Variants in RFTN1 observed in about 807,000 individuals in gnomAD.
The protein encoded by RFTN1 is raftlin.
A neutral mutation model predicts 46.5 loss-of-function variants in RFTN1; 26 were observed. The ratio of observed to expected loss-of-function variants is 0.56; its 90% CI spans 0.41 to 0.78. RFTN1 has a LOEUF of 0.78. Among genes scored for constraint, RFTN1 ranks in the 30% least tolerant of loss-of-function variants. The pLI is 0.00. For missense variants in RFTN1, 693 were observed against 718.7 expected, an observed-to-expected ratio of 0.96 and a Z score of 0.41; for synonymous variants, 261 against 284.2, an observed-to-expected ratio of 0.92 and a Z score of 0.82.
At chr3:16,357,104 G>C (rs1453227369) in intron 7 of RFTN1, among the ~76,000 whole-genome samples, 11 of 127,208 alleles carry the variant, frequency 8.6e-5, no homozygotes, top group Non-Finnish European at 1.5e-4. Context: ...GACAGAGCAA[G>C]ATGCCATCTC....
intron 4 of RFTN1, among the ~76,000 whole-genome samples, chr3:16,378,577 G>A (rs1490272474): frequency 1.3e-5 from 2 of 152,218 alleles, no homozygotes; most frequent in Non-Finnish European, 2.9e-5. Flanking sequence ...GGCATTTTAT[G>A]GCCCAAAGAG....
chr3:16,438,991 C>G (rs751222802), intron 2 of RFTN1, among the ~76,000 whole-genome samples: 10 of 152,088 alleles, frequency 6.6e-5, no homozygotes, highest in Non-Finnish European at 7.4e-5. Flanking sequence ...AACATAATAC[C>G]TTTTAAATTT....
chr3:16,405,572 G>A (rs1403661858), intron 4 of RFTN1, among the ~76,000 whole-genome samples: 1 of 152,072 alleles, frequency 6.6e-6, no homozygotes, highest in African/African-American at 2.4e-5. Context: ...AAATTACGGC[G>A]TCTTCAGCTA....
rs1309747476 is a variant in RFTN1, at chr3:16,451,781, C to G, written c.146-17744G>C. ...TCATAGATGGAAGATTCATTCTTACCTTAGATCTTAGCAACTTCAGCATAT... is the reference window on the plus strand; with the variant it reads ...TCATAGATGGAAGATTCATTCTTACGTTAGATCTTAGCAACTTCAGCATAT... On this transcript the variant is annotated intron_variant, in intron 2 of 9. Coordinates refer to ENST00000334133, the MANE Select transcript of RFTN1 (RefSeq NM_015150.2). This position sits in a 1 kb window ranked among gnomAD's most constrained non-coding sequence, Gnocchi z 4.2. Among the ~76,000 whole-genome samples the G allele has an allele frequency of 6.6e-6, 1 of 152,054 alleles. No individual in the cohort carries two copies. The highest frequency in any genetic ancestry group is 6.6e-5 in the Admixed American group (1 of 15,266).
chr3:16,364,950 T>C (rs1158403044), intron 6 of RFTN1, among the ~76,000 whole-genome samples: 1 of 152,242 alleles, frequency 6.6e-6, no homozygotes, highest in Non-Finnish European at 1.5e-5. Flanking sequence ...GCTGGTGACA[T>C]GGGTGTGCTC....
chr3:16,403,543 G>GAC (rs148679279), intron 4 of RFTN1, among the ~76,000 whole-genome samples: 1 of 58,898 alleles, frequency 1.7e-5, no homozygotes, highest in African/African-American at 8.1e-5. Flanking sequence ...CAGCATATGA[G>GAC]AGACAGAGAC....
chr3:16,461,113 A>G (rs140313523), intron 2 of RFTN1, among the ~76,000 whole-genome samples: 22 of 152,366 alleles, frequency 1.4e-4, no homozygotes, highest in African/African-American at 5.0e-4. Context: ...CAAAACCACA[A>G]CATGGGCCCC....
rs1490272454 is a variant in RFTN1, at chr3:16,475,234, C to T, written c.145+18491G>A. Among the ~76,000 whole-genome samples the T allele has an allele frequency of 6.6e-6, 1 of 152,200 alleles. No individual in the cohort carries two copies. Among genetic ancestry groups the T allele is most frequent in the African/African-American group, 2.4e-5 (1 of 41,456 alleles). On this transcript the variant is annotated intron_variant, in intron 2 of 9. Coordinates refer to ENST00000334133, the MANE Select transcript of RFTN1 (RefSeq NM_015150.2). This position sits in a 1 kb window ranked among gnomAD's most constrained non-coding sequence, Gnocchi z 4.2. ...ATGCTTCTTGTACAGCTGGTGGAAT[C>T]ATAATCCAAATAAACTTTTTTTCTT...
chr3:16,357,255 G>A (rs1012708659), intron 7 of RFTN1, among the ~76,000 whole-genome samples: 5 of 152,060 alleles, frequency 3.3e-5, no homozygotes, highest in African/African-American at 7.2e-5. Context: ...CCATGCTTCC[G>A]CAGTTAGAGA....
At chr3:16,405,925 CGGCCAAT>C (rs755203119) in intron 4 of RFTN1, among the ~76,000 whole-genome samples, 5 of 152,002 alleles carry the variant, frequency 3.3e-5, no homozygotes, top group African/African-American at 4.8e-5. Flanking sequence ...CAAGTTGAGG[CGGCCAAT>C]GACACAGCTT....
rs116560139 is a variant in RFTN1 at position 16,319,244 on chromosome 3, G to A, written c.1333-2012C>T. On this transcript the variant is annotated intron_variant, in intron 9 of 9. Coordinates refer to ENST00000334133, the MANE Select transcript of RFTN1 (RefSeq NM_015150.2). ...GCCTACCTGTGTAGTATAGTACTCCGAGAGGCAGTTGGCTCTCAGGGAAGT... is the reference window on the plus strand; with the variant it reads ...GCCTACCTGTGTAGTATAGTACTCCAAGAGGCAGTTGGCTCTCAGGGAAGT... Among the ~76,000 whole-genome samples the A allele has an allele frequency of 6.5e-3, 996 of 152,238 alleles. 7 individuals are homozygous for A. The highest frequency in any genetic ancestry group is 0.027 in the Middle Eastern group (8 of 294).
chr3:16,333,992 C>T (rs2070600476), intron 7 of RFTN1, among the ~76,000 whole-genome samples: 3 of 152,012 alleles, frequency 2.0e-5, no homozygotes, highest in South Asian at 2.1e-4. Flanking sequence ...GGTGAAACCC[C>T]GTCTCTACTA....
At position 16,402,805 on chromosome 3, in the gene RFTN1, G is replaced by A. The variant is rs1009172935; in HGVS notation, c.441+6570C>T. The stretch of plus-strand genomic sequence containing the variant: ...AGGACAATGTACTCGGTTTAATCCA[G>A]GACAGTACACTCATTGAGTGGGACC... On this transcript the variant is annotated intron_variant, in intron 4 of 9. Transcript: ENST00000334133. This position sits in a 1 kb window ranked among gnomAD's most constrained non-coding sequence, Gnocchi z 4.5. 2.6e-5 allele frequency among the ~76,000 whole-genome samples: 4 copies of A among 152,140 alleles called. No homozygotes were observed. The highest frequency in any genetic ancestry group is 5.9e-5 in the Non-Finnish European group (4 of 68,032).
chr3:16,443,739 G>A lies in RFTN1; in HGVS notation c.146-9702C>T, dbSNP rs2075673440. Among the ~76,000 whole-genome samples, 1 of 142,542 alleles carries A rather than the reference G, an allele frequency of 7.0e-6. No individual in the cohort carries two copies. The highest frequency in any genetic ancestry group is 2.2e-4 in the South Asian group (1 of 4,614). 93.5% of individuals were successfully genotyped at this position (142,542 alleles called of 152,430 possible). Reference sequence around the variant, plus strand: ...TTTCAGAGAATCACACATAGTCAATGAATTACACACAACACACACACACAC... The same window carrying A: ...TTTCAGAGAATCACACATAGTCAATAAATTACACACAACACACACACACAC... On this transcript the variant is annotated intron_variant, in intron 2 of 9. Coordinates refer to ENST00000334133, the MANE Select transcript of RFTN1 (RefSeq NM_015150.2). This position sits in a 1 kb window ranked among gnomAD's most constrained non-coding sequence, Gnocchi z 5.5.
rs748884180 is a variant in RFTN1, at chr3:16,374,021, G to A, written c.826+3697C>T. On this transcript the variant is annotated intron_variant, in intron 5 of 9. Transcript: ENST00000334133. The surrounding 1 kb of genome is among the most constrained non-coding windows in gnomAD (Gnocchi z 5.4). The stretch of plus-strand genomic sequence containing the variant: ...GCCAGGGCAGCAGGAAAGGCAAAGT[G>A]CAGGGACCGCTGCTGCGTGCACAAC... Among the ~76,000 whole-genome samples, 1 of 152,194 alleles carries A rather than the reference G, an allele frequency of 6.6e-6. No homozygotes were observed. Among genetic ancestry groups the A allele is most frequent in the African/African-American group, 2.4e-5 (1 of 41,442 alleles).
intron 2 of RFTN1, chr3:16,472,119 C>T (rs1449542005): frequency 6.8e-6 from 1 of 146,138 alleles, no homozygotes; most frequent in Non-Finnish European, 1.5e-5. Context: ...AGAAGTTAAG[C>T]TGTTAAAAAA....
In RFTN1 at chr3:16,370,006, G is replaced by T. The variant is rs539121515; in HGVS notation, c.1030+70C>A. The T allele has an allele frequency of 5.6e-5, 78 of 1,380,662 alleles. No individual in the cohort carries two copies. In the African/African-American group the frequency reaches 5.8e-4, roughly 10 times the overall value. 85.5% of individuals were successfully genotyped at this position (1,380,662 alleles called of 1,614,324 possible). A position where few individuals can be genotyped will look rare whatever the true frequency, so the allele number is the denominator to read the frequency against. On this transcript the variant is annotated intron_variant, in intron 6 of 9. Transcript: ENST00000334133. This position sits in a 1 kb window ranked among gnomAD's most constrained non-coding sequence, Gnocchi z 5.5. ...CTGAATGAAGCAGACTCTGAAGAGG[G>T]ACTAAGATTTCAAGAGTTAGAAGCA...
chr3:16,337,740 CAA>C lies in RFTN1; in HGVS notation c.1147-10866_1147-10865del, dbSNP rs5846920. On this transcript the variant is annotated intron_variant, in intron 7 of 9. Coordinates refer to ENST00000334133, the MANE Select transcript of RFTN1 (RefSeq NM_015150.2). The surrounding 1 kb of genome is among the most constrained non-coding windows in gnomAD (Gnocchi z 5.0). ...CTGGCGACAGAGCGAGACTCCATCT[CAA>C]AAAAAAAAAAAAAAAGAAAAGAAAG... 0.26 allele frequency among the ~76,000 whole-genome samples: 24,649 copies of C among 94,850 alleles called. 2,309 individuals are homozygous for C. The highest frequency in any genetic ancestry group is 0.35 in the African/African-American group (10,499 of 30,368). 62.2% of individuals were successfully genotyped at this position (94,850 alleles called of 152,430 possible). A position where few individuals can be genotyped will look rare whatever the true frequency, so the allele number is the denominator to read the frequency against.
Position 16,507,335 on chromosome 3 carries a change from A to G in RFTN1, c.-9+6107T>C, listed in dbSNP as rs770706157. On this transcript the variant is annotated intron_variant, in intron 1 of 9. Transcript: ENST00000334133. The surrounding 1 kb of genome is among the most constrained non-coding windows in gnomAD (Gnocchi z 7.1). ...CTTATAAGGTATCATAAGACACCAG[A>G]AAATCCCAAAAGACCTCTCTAAATT... 2.6e-5 allele frequency among the ~76,000 whole-genome samples: 4 copies of G among 152,212 alleles called. No individual in the cohort carries two copies. The highest frequency in any genetic ancestry group is 5.9e-5 in the Non-Finnish European group (4 of 68,046).
Sources: gnomAD v4.1 joint callset for allele counts (sites outside exome capture counted in the v4.1 genomes callset) on GRCh38, gnomAD v4.1.1 for gene constraint, Gnocchi (gnomAD v3.1) non-coding constraint, MANE v1.5 for transcripts, NCBI Gene and HGNC (gene_info 2026-07-23, HGNC 2026-07-21) for gene names.